BPIFC: variants seen among roughly 807,000 people sequenced by gnomAD.
The protein encoded by BPIFC is BPI fold containing family C, also known as BPI fold-containing family C protein.
BPIFC carries 60 observed loss-of-function variants against 57.6 expected under a neutral mutation model. The observed-to-expected ratio is 1.04, with a 90% confidence interval of 0.85 to 1.29. The LOEUF is 1.29. Ranked by LOEUF, BPIFC falls within the 50% of genes most tolerant of loss-of-function variation. The pLI, the probability that BPIFC is intolerant of heterozygous loss-of-function variation, is 0.00. For missense variants in BPIFC, 581 were observed against 600.5 expected (o/e 0.97, Z 0.34); for synonymous variants, 243 against 224.5 (o/e 1.08, Z -0.74).
intron 11 of BPIFC, 90 bp downstream of exon 11, chr22:32,433,629 C>A: frequency 8.6e-7 from 1 of 1,160,814 alleles, no homozygotes; most frequent in South Asian, 1.3e-5. Flanking sequence ...GGGACTTATC[C>A]AAAAAGGAAT....
intron 4 of BPIFC, among the ~76,000 whole-genome samples, chr22:32,450,047 T>C (rs1391660375): frequency 3.9e-5 from 6 of 151,906 alleles, no homozygotes; most frequent in Non-Finnish European, 8.8e-5. Context: ...TACATGTACT[T>C]CTCTAAGGAG....
At chr22:32,455,112 G>C (rs958429712) in intron 3 of BPIFC, among the ~76,000 whole-genome samples, 1 of 142,802 alleles carries the variant, frequency 7.0e-6, no homozygotes, top group Non-Finnish European at 1.5e-5. Flanking sequence ...GTGTAGTGGT[G>C]CGATCTCAGC....
At chr22:32,463,134 G>A (rs1157583579) in intron 1 of BPIFC, among the ~76,000 whole-genome samples, 1 of 152,162 alleles carries the variant, frequency 6.6e-6, no homozygotes, top group Non-Finnish European at 1.5e-5. Context: ...AATTTTATGA[G>A]TGAAAGAAAT....
chr22:32,450,921 A>C (rs1264491467), intron 4 of BPIFC, among the ~76,000 whole-genome samples: 2 of 152,250 alleles, frequency 1.3e-5, no homozygotes, highest in Non-Finnish European at 2.9e-5. Context: ...TTTTCAGTTG[A>C]AAAAGTAAAC....
rs765503640 is a variant in BPIFC at position 32,424,687 on chromosome 22, TTCTTCC to T, written c.1218-5289_1218-5284del. ...CTTCTTCTTCTTCTTCTTCTTCTTC[TTCTTCC>T]TCTTCTTCTTCCTCTTCTTCTTCCT... On this transcript the variant is annotated intron_variant, in intron 13 of 16. Transcript: ENST00000300399. Among the ~76,000 whole-genome samples, 383 of 77,348 alleles carry T rather than the reference TTCTTCC, an allele frequency of 5.0e-3. 10 individuals are homozygous for T. The highest frequency in any genetic ancestry group is 6.3e-3 in the Non-Finnish European group (265 of 41,852). The allele number at this position is 77,348 out of a possible 152,430, so 50.7% of individuals were successfully genotyped here. A position where few individuals can be genotyped will look rare whatever the true frequency, so the allele number is the denominator to read the frequency against.
Position 32,432,520 on chromosome 22 carries a change from G to C in BPIFC, c.1002C>G (p.Ser334=), listed in dbSNP as rs1345755221. 1.2e-6 allele frequency: 2 copies of C among 1,613,956 alleles called. No individual in the cohort carries two copies. The highest frequency in any genetic ancestry group is 1.7e-6 in the Non-Finnish European group (2 of 1,180,024). The part of the protein sequence containing the change: ...LSRIAEIYIL[S]QPFMVRIMAT... ...CCATGATCCTCACCATGAAGGGCTGGGACAAGATGTAGATCTCTGCAATCT... is the reference window on the plus strand; with the variant it reads ...CCATGATCCTCACCATGAAGGGCTGCGACAAGATGTAGATCTCTGCAATCT... The change falls in exon 12 of 17, where the codon TCC becomes TCG. Residue 334 remains serine, a synonymous_variant. Transcript: ENST00000300399.
rs941743658 is a variant in BPIFC, at chr22:32,413,906, A to C, written c.*397T>G. 6.5e-6 allele frequency: 1 copy of C among 153,504 alleles called. No homozygotes were observed. The highest frequency in any genetic ancestry group is 1.5e-5 in the Non-Finnish European group (1 of 68,936). The allele number at this position is 153,504 out of a possible 1,614,324, so 9.5% of individuals were successfully genotyped here. ...AAGATAGTAACAGTGAATATAAAACATGAAAACCAATATGCAGGTAGGGGA... is the reference window on the plus strand; with the variant it reads ...AAGATAGTAACAGTGAATATAAAACCTGAAAACCAATATGCAGGTAGGGGA... On this transcript the variant is annotated 3_prime_UTR_variant, in exon 17 of 17. Coordinates refer to ENST00000300399, the MANE Select transcript of BPIFC (RefSeq NM_174932.3).
intron 13 of BPIFC, among the ~76,000 whole-genome samples, chr22:32,429,957 A>G (rs5754080): frequency 0.51 from 76,999 of 151,942 alleles, 20,973 homozygotes; most frequent in African/African-American, 0.73. Flanking sequence ...CATTTAGTCT[A>G]TGCCGTCTAA....
chr22:32,416,961 C>A, intron 15 of BPIFC, 124 bp downstream of exon 15: 1 of 925,098 alleles, frequency 1.1e-6, no homozygotes, highest in South Asian at 1.3e-5. Flanking sequence ...GGCCTGGATT[C>A]ATGATAACAT....
At chr22:32,445,813 C>A (rs773095566) in intron 6 of BPIFC, 28 bp downstream of exon 6, 2 of 1,611,926 alleles carry the variant, frequency 1.2e-6, no homozygotes, top group African/African-American at 2.7e-5. Flanking sequence ...CCTAACTAGC[C>A]ACTGCCCAAC....
chr22:32,419,803 CAAAAAAAAAAA>C (rs34812283), intron 13 of BPIFC, among the ~76,000 whole-genome samples: 2 of 102,380 alleles, frequency 2.0e-5, no homozygotes, highest in South Asian at 7.6e-4. Context: ...GAGACCCTGT[CAAAAAAAAAAA>C]AAAAAAAAAA....
intron 15 of BPIFC, among the ~76,000 whole-genome samples, chr22:32,416,420 C>G (rs764640911): frequency 4.5e-4 from 69 of 152,178 alleles, no homozygotes; most frequent in Admixed American, 9.2e-4. Context: ...TCATTCTCCC[C>G]GGTTCCATGT....
intron 14 of BPIFC, 128 bp downstream of exon 14, chr22:32,419,234 G>T: frequency 1.0e-6 from 1 of 990,664 alleles, no homozygotes; most frequent in Non-Finnish European, 1.5e-6. Flanking sequence ...GAATTTCAAA[G>T]TTAAGTCCTA....
intron 1 of BPIFC, among the ~76,000 whole-genome samples, chr22:32,462,206 A>C (rs2145974072): frequency 6.6e-6 from 1 of 150,454 alleles, no homozygotes; most frequent in Non-Finnish European, 1.5e-5. Context: ...AAGAAAAAAA[A>C]GAAAAAAAAA....
chr22:32,445,501 C>T (rs1046351432), intron 7 of BPIFC, 134 bp downstream of exon 7: 18 of 927,050 alleles, frequency 1.9e-5, no homozygotes, highest in African/African-American at 3.4e-5. Context: ...CGTGCCACTG[C>T]ACTCCAGCCT....
At chr22:32,460,846 C>A (rs1261923936) in intron 2 of BPIFC, among the ~76,000 whole-genome samples, 1 of 152,208 alleles carries the variant, frequency 6.6e-6, no homozygotes, top group Non-Finnish European at 1.5e-5. Flanking sequence ...GCAGAGACTG[C>A]AACTGGTTTG....
intron 4 of BPIFC, among the ~76,000 whole-genome samples, chr22:32,449,620 C>T (rs931359404): frequency 2.0e-5 from 3 of 152,072 alleles, no homozygotes; most frequent in African/African-American, 7.2e-5. Context: ...ATGGATGTAC[C>T]ATTTCAAAAA....
intron 1 of BPIFC, among the ~76,000 whole-genome samples, chr22:32,462,206 AG>A (rs1231035111): frequency 2.0e-5 from 3 of 150,344 alleles, no homozygotes; most frequent in Non-Finnish European, 3.0e-5. Flanking sequence ...AAGAAAAAAA[AG>A]AAAAAAAAAA....
chr22:32,438,320 G>A (rs1282763283), intron 8 of BPIFC, among the ~76,000 whole-genome samples: 2 of 152,202 alleles, frequency 1.3e-5, no homozygotes, highest in Non-Finnish European at 2.9e-5. Flanking sequence ...CTGCAGATAA[G>A]GGAGGACTAC....
Sources: gnomAD v4.1 joint callset for allele counts (sites outside exome capture counted in the v4.1 genomes callset) on GRCh38, gnomAD v4.1.1 for gene constraint, MANE v1.5 for transcripts, NCBI Gene and HGNC (gene_info 2026-07-23, HGNC 2026-07-21) for gene names.